NFIB: variants seen among roughly 807,000 people sequenced by gnomAD.
NFIB encodes nuclear factor I B.
In NFIB, 11 loss-of-function variants were observed where a neutral mutation model predicts 61.5. That is an observed-to-expected ratio of 0.18 (90% CI 0.11 to 0.30). The LOEUF is 0.30. Ranked by LOEUF, NFIB falls within the 10% of genes least tolerant of loss-of-function variation. NFIB has a pLI of 1.00. For missense variants in NFIB, 471 were observed against 608.9 expected (o/e 0.77, Z 2.38); for synonymous variants, 260 against 216.5 (o/e 1.20, Z -1.76).
intron 2 of NFIB, among the ~76,000 whole-genome samples, 193 bp from the exon 3 acceptor site, chr9:14,179,973 T>C (rs553782148): frequency 2.0e-5 from 3 of 152,314 alleles, no homozygotes; most frequent in Non-Finnish European, 2.9e-5. Context: ...CATATTTCTA[T>C]GTCAAAAGAA....
At chr9:14,458,140 C>G in the NFIB span, among the ~76,000 whole-genome samples, 1 of 152,200 alleles carries the variant, frequency 6.6e-6, no homozygotes, top group Non-Finnish European at 1.5e-5. Context: ...CAAACCAAAT[C>G]CAGCAGCACA....
intron 1 of NFIB, among the ~76,000 whole-genome samples, chr9:14,395,587 C>T (rs1489835696): frequency 6.6e-6 from 1 of 151,988 alleles, no homozygotes; most frequent in Non-Finnish European, 1.5e-5. Flanking sequence ...AAGCCGGCCC[C>T]GATCTGTATG....
intron 1 of NFIB, chr9:14,322,206 C>G: frequency 1.1e-6 from 1 of 919,026 alleles, no homozygotes; most frequent in African/African-American, 1.7e-5. Context: ...TAAAAGCAGG[C>G]AGCCCTTCAG....
At chr9:14,174,822 T>G (rs1587317993) in intron 3 of NFIB, among the ~76,000 whole-genome samples, 1 of 151,670 alleles carries the variant, frequency 6.6e-6, no homozygotes, top group East Asian at 1.9e-4. Flanking sequence ...CAGAGTAAAT[T>G]TCTCTTTTCT....
At chr9:14,530,807 A>G in the NFIB span, among the ~76,000 whole-genome samples, 1 of 152,138 alleles carries the variant, frequency 6.6e-6, no homozygotes, top group Non-Finnish European at 1.5e-5. Flanking sequence ...CTTCCACTGT[A>G]CTAATTGTGA....
chr9:14,520,497 G>A, the NFIB span, among the ~76,000 whole-genome samples: 5 of 152,216 alleles, frequency 3.3e-5, no homozygotes, highest in African/African-American at 1.2e-4. Context: ...TCAGTGGAAT[G>A]TTCTGCAGCG....
intron 3 of NFIB, among the ~76,000 whole-genome samples, chr9:14,169,218 G>T (rs901836563): frequency 1.3e-5 from 2 of 152,116 alleles, no homozygotes; most frequent in Non-Finnish European, 2.9e-5. Context: ...ATTAACAAGT[G>T]GAAGTGATGA....
the NFIB span, among the ~76,000 whole-genome samples, chr9:14,513,975 C>T: frequency 1.3e-5 from 2 of 152,140 alleles, no homozygotes; most frequent in African/African-American, 4.8e-5. Flanking sequence ...ATTTTCTTAA[C>T]AGTCTATAAT....
chr9:14,455,540 T>C, the NFIB span, among the ~76,000 whole-genome samples: 1 of 152,014 alleles, frequency 6.6e-6, no homozygotes, highest in African/African-American at 2.4e-5. Flanking sequence ...AAAACAAAAC[T>C]TGTGGATTAG....
At chr9:14,273,581 C>G (rs1035630115) in intron 2 of NFIB, among the ~76,000 whole-genome samples, 2 of 152,122 alleles carry the variant, frequency 1.3e-5, no homozygotes, top group East Asian at 3.9e-4. Flanking sequence ...GTCCGTCTGT[C>G]CTCGCCTAAA....
At chr9:14,150,082 A>G in intron 5 of NFIB, 63 bp downstream of exon 5, 3 of 1,601,810 alleles carry the variant, frequency 1.9e-6, no homozygotes, top group Non-Finnish European at 2.6e-6. Context: ...CTATCTGCCT[A>G]TCATCCACCT....
At chr9:14,453,037 T>G in the NFIB span, among the ~76,000 whole-genome samples, 3 of 152,226 alleles carry the variant, frequency 2.0e-5, no homozygotes, top group Non-Finnish European at 4.4e-5. Flanking sequence ...AGAAACCTCA[T>G]GGGTGCATAA....
chr9:14,377,693 A>C (rs545317098), intron 1 of NFIB, among the ~76,000 whole-genome samples: 3 of 152,340 alleles, frequency 2.0e-5, no homozygotes, highest in African/African-American at 7.2e-5. Context: ...AAATTTTAAG[A>C]GGAAGGAAAA....
rs2059825863 is a variant in NFIB at position 14,302,930 on chromosome 9, A to AG, written c.562+4058dup. 6.6e-5 allele frequency among the ~76,000 whole-genome samples: 10 copies of AG among 152,334 alleles called. No individual in the cohort carries two copies. The South Asian group carries it at 2.1e-3, about 32-fold the overall frequency. On this transcript the variant is annotated intron_variant, in intron 2 of 10. Transcript: ENST00000380953. ...AAAGCAATATTAACGCTAACTATCTAGGAAACTTTAACCAAAATTATTTTA... is the reference window on the plus strand; with the variant it reads ...AAAGCAATATTAACGCTAACTATCTAGGGAAACTTTAACCAAAATTATTTTA...
chr9:14,088,170 T>G lies in NFIB; in HGVS notation c.*139A>C. On this transcript the variant is annotated 3_prime_UTR_variant, in exon 11 of 11. Coordinates refer to ENST00000380953, the MANE Select transcript of NFIB (RefSeq NM_001190737.2). ...TTTTTTATTTAAAAAAAAAATTTCT[T>G]AAACTATTGTTGTGTTTCTTTTTCC... The G allele has an allele frequency of 7.0e-7, 1 of 1,431,768 alleles. No individual in the cohort carries two copies. The highest frequency in any genetic ancestry group is 9.2e-7 in the Non-Finnish European group (1 of 1,082,002). 88.7% of individuals were successfully genotyped at this position (1,431,768 alleles called of 1,614,324 possible). A position where few individuals can be genotyped will look rare whatever the true frequency, so the allele number is the denominator to read the frequency against.
chr9:14,442,600 GTTT>G, the NFIB span, among the ~76,000 whole-genome samples: 2 of 152,092 alleles, frequency 1.3e-5, no homozygotes, highest in African/African-American at 4.8e-5. Flanking sequence ...CAAGCTGCAG[GTTT>G]GCTGGTAATC....
At chr9:14,265,341 T>C (rs1444331473) in intron 2 of NFIB, among the ~76,000 whole-genome samples, 1 of 152,148 alleles carries the variant, frequency 6.6e-6, no homozygotes, top group Non-Finnish European at 1.5e-5. Context: ...TATTTGGAGA[T>C]AAAGCCTTTA....
chr9:14,441,749 C>T, the NFIB span, among the ~76,000 whole-genome samples: 5,727 of 152,190 alleles, frequency 0.038, 113 homozygotes, highest in Middle Eastern at 0.078. Context: ...CACCAAGTGG[C>T]CATGTCTGCC....
chr9:14,281,360 G>C (rs150785409), intron 2 of NFIB, among the ~76,000 whole-genome samples: 33 of 152,302 alleles, frequency 2.2e-4, no homozygotes, highest in Non-Finnish European at 4.1e-4. Flanking sequence ...AGGAAGGCAA[G>C]GAGTAGAAAA....
Sources: gnomAD v4.1 joint callset for allele counts (sites outside exome capture counted in the v4.1 genomes callset) on GRCh38, gnomAD v4.1.1 for gene constraint, MANE v1.5 for transcripts, NCBI Gene and HGNC (gene_info 2026-07-23, HGNC 2026-07-21) for gene names.